The following STPG4 variants were observed in gnomAD, a reference collection of about 807,000 sequenced individuals.
STPG4 encodes sperm-tail PG-rich repeat containing 4.
Under a neutral mutation model 31.5 loss-of-function variants are expected in STPG4, and 41 were observed. The observed-to-expected ratio is 1.30, with a 90% CI of 1.01 to 1.69. The LOEUF (loss-of-function observed/expected upper bound fraction) is 1.69, where lower values mean the gene tolerates loss of function less well. STPG4 is among the 40% of genes most tolerant of loss of function. The pLI is 0.00. For missense variants in STPG4, 375 were observed against 293.4 expected, an observed-to-expected ratio of 1.28 and a Z score of -2.03; for synonymous variants, 141 against 103.0, an observed-to-expected ratio of 1.37 and a Z score of -2.24.
At chr2:47,097,221 T>C (rs973477500) in intron 5 of STPG4, among the ~76,000 whole-genome samples, 5 of 152,290 alleles carry the variant, frequency 3.3e-5, no homozygotes, top group South Asian at 2.1e-4. Flanking sequence ...AAATAAACCA[T>C]AGAGCAAATC....
intron 5 of STPG4, among the ~76,000 whole-genome samples, chr2:47,127,386 AG>A (rs781474964): frequency 1.7e-4 from 25 of 148,848 alleles, no homozygotes; most frequent in Non-Finnish European, 3.2e-4. Flanking sequence ...CTCATGCCTC[AG>A]CCTCTCAAGT....
At chr2:47,143,954 C>T (rs1236789040) in intron 3 of STPG4, among the ~76,000 whole-genome samples, 1 of 152,132 alleles carries the variant, frequency 6.6e-6, no homozygotes, top group Non-Finnish European at 1.5e-5. Flanking sequence ...TTTGCATTGA[C>T]TGACCTTGTT....
At chr2:47,101,054 A>G (rs1236931269) in intron 5 of STPG4, among the ~76,000 whole-genome samples, 4 of 151,816 alleles carry the variant, frequency 2.6e-5, no homozygotes, top group Non-Finnish European at 5.9e-5. Context: ...ACCATCGCCG[A>G]GCAATGAGAC....
chr2:47,128,494 G>A (rs1686407512), intron 5 of STPG4, among the ~76,000 whole-genome samples: 1 of 152,112 alleles, frequency 6.6e-6, no homozygotes, highest in African/African-American at 2.4e-5. Flanking sequence ...TACTACTGCA[G>A]CTAAGCTGGC....
intron 5 of STPG4, among the ~76,000 whole-genome samples, chr2:47,120,670 T>C (rs1053573345): frequency 7.2e-5 from 11 of 152,188 alleles, no homozygotes; most frequent in Non-Finnish European, 1.5e-4. Flanking sequence ...TTCAGTCATA[T>C]GTTAAGAGGT....
intron 5 of STPG4, among the ~76,000 whole-genome samples, chr2:47,117,930 A>ATATATATATTTTT (rs1491090707): frequency 6.0e-5 from 7 of 117,568 alleles, no homozygotes; most frequent in African/African-American, 2.3e-4. Context: ...ATATATATAT[A>ATATATATATTTTT]TTTTTTTTTT....
At chr2:47,120,470 A>G (rs1459740827) in intron 5 of STPG4, among the ~76,000 whole-genome samples, 4 of 151,802 alleles carry the variant, frequency 2.6e-5, no homozygotes, top group Non-Finnish European at 5.9e-5. Flanking sequence ...AGGAGGCTGA[A>G]GCAGGAGAAT....
chr2:47,139,606 C>T (rs1375708320), intron 3 of STPG4, among the ~76,000 whole-genome samples: 1 of 152,060 alleles, frequency 6.6e-6, no homozygotes, highest in Non-Finnish European at 1.5e-5. Flanking sequence ...TGAAGGGTCA[C>T]AGGAAGTTAT....
intron 5 of STPG4, among the ~76,000 whole-genome samples, chr2:47,094,797 G>A (rs903514802): frequency 6.6e-6 from 1 of 152,218 alleles, no homozygotes; most frequent in African/African-American, 2.4e-5. Context: ...CTTTCCTGGA[G>A]AGCTCCTAGG....
chr2:47,090,678 C>G (rs1382339330), intron 5 of STPG4, among the ~76,000 whole-genome samples: 1 of 152,218 alleles, frequency 6.6e-6, no homozygotes, highest in Non-Finnish European at 1.5e-5. Context: ...ACACTCAGGT[C>G]CCCCGTTCCC....
intron 1 of STPG4, among the ~76,000 whole-genome samples, chr2:47,153,716 TG>T (rs1191446670): frequency 6.6e-6 from 1 of 152,034 alleles, no homozygotes; most frequent in Non-Finnish European, 1.5e-5. Context: ...GAGGTTGCAG[TG>T]GGCCGAGATC....
intron 5 of STPG4, among the ~76,000 whole-genome samples, chr2:47,107,457 A>C (rs1685939307): frequency 6.6e-6 from 1 of 152,158 alleles, no homozygotes; most frequent in Admixed American, 6.5e-5. Context: ...TGGGTCCCCC[A>C]GCAGTGCCAG....
chr2:47,150,429 T>G (rs1268326713), intron 3 of STPG4, among the ~76,000 whole-genome samples: 3 of 152,090 alleles, frequency 2.0e-5, no homozygotes, highest in African/African-American at 7.2e-5. Flanking sequence ...CTCTTTATTA[T>G]CAATGCTACA....
chr2:47,132,604 C>G (rs1226625577), intron 3 of STPG4, among the ~76,000 whole-genome samples: 1 of 152,132 alleles, frequency 6.6e-6, no homozygotes, highest in Non-Finnish European at 1.5e-5. Flanking sequence ...ACCAAGGAAA[C>G]AAAGGTATTC....
intron 5 of STPG4, among the ~76,000 whole-genome samples, chr2:47,121,436 A>T (rs1686270595): frequency 6.6e-6 from 1 of 152,202 alleles, no homozygotes; most frequent in African/African-American, 2.4e-5. Flanking sequence ...AACCCCAGGC[A>T]GGAAGCTGAT....
At chr2:47,152,380 A>G (rs1252490426) in intron 2 of STPG4, among the ~76,000 whole-genome samples, 1 of 152,212 alleles carries the variant, frequency 6.6e-6, no homozygotes, top group Non-Finnish European at 1.5e-5. Context: ...TTTTGTGGCC[A>G]TCTTTCCACT....
chr2:47,100,033 G>C (rs1218514847), intron 5 of STPG4, among the ~76,000 whole-genome samples: 1 of 152,094 alleles, frequency 6.6e-6, no homozygotes, highest in East Asian at 1.9e-4. Flanking sequence ...ATGGGCTCCT[G>C]TACAGCCCCA....
At chr2:47,108,110 G>C (rs915929101) in intron 5 of STPG4, among the ~76,000 whole-genome samples, 2 of 151,618 alleles carry the variant, frequency 1.3e-5, no homozygotes, top group African/African-American at 4.9e-5. Context: ...TCTGTATCTA[G>C]TTAATCTAGT....
At chr2:47,091,012 C>T (rs72808545) in intron 5 of STPG4, among the ~76,000 whole-genome samples, 1 of 152,000 alleles carries the variant, frequency 6.6e-6, no homozygotes, top group African/African-American at 2.4e-5. Context: ...TAACCAAATA[C>T]ATTCTAATTT....
Sources: allele counts gnomAD v4.1 joint callset (sites outside exome capture counted in the v4.1 genomes callset), GRCh38; gene constraint gnomAD v4.1.1; transcripts MANE v1.5; gene names NCBI Gene and HGNC (gene_info 2026-07-23, HGNC 2026-07-21).